The following KLHL5 variants were observed in gnomAD, a reference collection of about 807,000 sequenced individuals.
KLHL5 encodes kelch like family member 5, also known as kelch-like protein 5.
Under a neutral mutation model 77.7 loss-of-function variants are expected in KLHL5, and 48 were observed. That is an observed-to-expected ratio of 0.62 (90% CI 0.49 to 0.79). The LOEUF is 0.79. Ranked by LOEUF, KLHL5 falls within the 30% of genes least tolerant of loss-of-function variation. The probability of loss-of-function intolerance (pLI) is 0.00; values close to 1 mark genes in which losing one functional copy is unlikely to be tolerated. For synonymous variants in KLHL5, 260 were observed against 297.0 expected, an observed-to-expected ratio of 0.88 and a Z score of 1.28; for missense variants, 723 against 859.7, an observed-to-expected ratio of 0.84 and a Z score of 1.99.
Position 39,062,594 on chromosome 4 carries a change from C to T in KLHL5, c.-59C>T, listed in dbSNP as rs748556963. The T allele has an allele frequency of 2.5e-6, 4 of 1,614,076 alleles. No individual in the cohort carries two copies. The highest frequency in any genetic ancestry group is 3.4e-6 in the Non-Finnish European group (4 of 1,179,994). On this transcript the variant is annotated 5_prime_UTR_variant, in exon 1 of 11. Transcript: ENST00000504108. ...ACTTCTCTTGTCTTGGTTGGATGCA[C>T]AAATCTGTGTGCAGTGCTTTTTGCC...
At chr4:39,055,527 T>G (rs1220949535) in intron 1 of KLHL5, among the ~76,000 whole-genome samples, 1 of 152,208 alleles carries the variant, frequency 6.6e-6, no homozygotes, top group Non-Finnish European at 1.5e-5. Context: ...TATATGGCAT[T>G]AACCCTATAT....
chr4:39,115,368 T>G (rs756175278), intron 10 of KLHL5, 38 bp downstream of exon 10: 26 of 1,611,138 alleles, frequency 1.6e-5, no homozygotes, highest in Admixed American at 1.0e-4. Context: ...CTGACTCTCT[T>G]TTTATTAAAA....
intron 2 of KLHL5, among the ~76,000 whole-genome samples, chr4:39,076,612 G>A (rs1719067205): frequency 6.6e-6 from 1 of 152,034 alleles, no homozygotes; most frequent in Non-Finnish European, 1.5e-5. Context: ...GGGAAAAAAA[G>A]CCTTTCCTAC....
intron 4 of KLHL5, among the ~76,000 whole-genome samples, chr4:39,083,210 C>G (rs1719771098): frequency 6.6e-6 from 1 of 152,148 alleles, no homozygotes; most frequent in African/African-American, 2.4e-5. Context: ...TATTTACAAA[C>G]TATTGGCAAG....
At chr4:39,060,302 C>T (rs1454486276), upstream of KLHL5, among the ~76,000 whole-genome samples, 1 of 152,082 alleles carries the variant, frequency 6.6e-6, no homozygotes, top group Non-Finnish European at 1.5e-5. Flanking sequence ...AGCTTGGCGT[C>T]AGCAATGATT....
intron 2 of KLHL5, among the ~76,000 whole-genome samples, chr4:39,078,786 T>C (rs1426540964): frequency 1.3e-5 from 2 of 151,994 alleles, no homozygotes; most frequent in African/African-American, 4.8e-5. Context: ...AGACTACACA[T>C]TGGGTACAGT....
Position 39,123,505 on chromosome 4 carries a change from C to T in KLHL5, c.*2439C>T, listed in dbSNP as rs1311352816. Among the ~76,000 whole-genome samples the T allele has an allele frequency of 1.3e-5, 2 of 152,132 alleles. No homozygotes were observed. Among genetic ancestry groups the T allele is most frequent in the African/African-American group, 4.8e-5 (2 of 41,410 alleles). On this transcript the variant is annotated 3_prime_UTR_variant, in exon 11 of 11. Transcript: ENST00000504108. Reference sequence around the variant, plus strand: ...CCAGCAGCTTATTAAAATGATCACACAGCATGACCAAGTGAGATTTATCAA... The same window carrying T: ...CCAGCAGCTTATTAAAATGATCACATAGCATGACCAAGTGAGATTTATCAA...
intron 2 of KLHL5, among the ~76,000 whole-genome samples, chr4:39,079,369 G>C (rs2566141): frequency 0.23 from 35,097 of 152,072 alleles, 4,190 homozygotes; most frequent in East Asian, 0.34. Context: ...ACACGATCCA[G>C]CCTGCCGTAT....
chr4:39,077,664 C>T (rs1287083444), intron 2 of KLHL5, among the ~76,000 whole-genome samples: 2 of 138,884 alleles, frequency 1.4e-5, no homozygotes, highest in Non-Finnish European at 3.1e-5. Context: ...CTACAGAAAA[C>T]AGTGTGGATA....
the KLHL5 span, among the ~76,000 whole-genome samples, chr4:39,140,326 T>A: frequency 6.6e-6 from 1 of 152,212 alleles, no homozygotes. Flanking sequence ...ACTGTCAACT[T>A]GAATGGCTCT....
intron 10 of KLHL5, among the ~76,000 whole-genome samples, chr4:39,119,453 G>C (rs1394343993): frequency 6.6e-6 from 1 of 152,134 alleles, no homozygotes; most frequent in Non-Finnish European, 1.5e-5. Flanking sequence ...AGGTATGGTG[G>C]TGTGTGCCAG....
chr4:39,121,760 G>A lies in KLHL5; in HGVS notation c.*694G>A, dbSNP rs537313622. 1.3e-4 allele frequency: 20 copies of A among 152,590 alleles called. No homozygotes were observed. In the East Asian group the frequency reaches 3.5e-3, roughly 27 times the overall value. 9.5% of individuals were successfully genotyped at this position (152,590 alleles called of 1,614,324 possible). On this transcript the variant is annotated 3_prime_UTR_variant, in exon 11 of 11. Coordinates refer to ENST00000504108, the MANE Select transcript of KLHL5 (RefSeq NM_015990.5). The stretch of plus-strand genomic sequence containing the variant: ...CTACATGTTATGATGTTAAGTTGAA[G>A]TTGAAACATGATGTTTTGCATTAAA...
At chr4:39,130,059 C>T (rs1439045676), downstream of KLHL5, among the ~76,000 whole-genome samples, 2 of 152,142 alleles carry the variant, frequency 1.3e-5, no homozygotes, top group Admixed American at 6.5e-5. Flanking sequence ...CTAGCTCGGT[C>T]GGGGAGACCC....
Position 39,121,145 on chromosome 4 carries a change from T to G in KLHL5, c.*79T>G. On this transcript the variant is annotated 3_prime_UTR_variant, in exon 11 of 11. Coordinates refer to ENST00000504108, the MANE Select transcript of KLHL5 (RefSeq NM_015990.5). ...TAATTATTCTATCAATGGATACATTTTTAGTAAATGTGCATTGTCACAATC... is the reference window on the plus strand; with the variant it reads ...TAATTATTCTATCAATGGATACATTGTTAGTAAATGTGCATTGTCACAATC... The G allele has an allele frequency of 9.0e-7, 1 of 1,107,234 alleles. No individual in the cohort carries two copies. Among genetic ancestry groups the G allele is most frequent in the Non-Finnish European group, 1.4e-6 (1 of 729,518 alleles). The allele number at this position is 1,107,234 out of a possible 1,614,324, so 68.6% of individuals were successfully genotyped here.
chr4:39,061,993 C>A (rs746179694), upstream of KLHL5, among the ~76,000 whole-genome samples: 3 of 152,132 alleles, frequency 2.0e-5, no homozygotes, highest in African/African-American at 7.2e-5. Context: ...CTTTGTACTC[C>A]GCTTTCCTCC....
intron 2 of KLHL5, among the ~76,000 whole-genome samples, chr4:39,076,804 T>TAAAAAAAACC (rs1267466605): frequency 1.3e-5 from 2 of 151,790 alleles, no homozygotes; most frequent in Non-Finnish European, 2.9e-5. Flanking sequence ...CAAAGGTTTT[T>TAAAAAAAACC]TTTAAAAACC....
Position 39,121,077 on chromosome 4 carries a change from C to T in KLHL5, c.*11C>T, listed in dbSNP as rs3733275. 0.57 allele frequency: 904,770 copies of T among 1,588,390 alleles called. 260,715 individuals carry two copies. Among genetic ancestry groups the T allele is most frequent in the Admixed American group, 0.62 (37,405 of 59,952 alleles). ...ACTGTAAAATTATAATTTAGTGCCCCGTTTTCTACATGAAGACACCGTCTT... is the reference window on the plus strand; with the variant it reads ...ACTGTAAAATTATAATTTAGTGCCCTGTTTTCTACATGAAGACACCGTCTT... On this transcript the variant is annotated 3_prime_UTR_variant, in exon 11 of 11. Coordinates refer to ENST00000504108, the MANE Select transcript of KLHL5 (RefSeq NM_015990.5).
chr4:39,129,968 C>T (rs139021301), downstream of KLHL5, among the ~76,000 whole-genome samples: 31 of 152,236 alleles, frequency 2.0e-4, 1 homozygote, highest in African/African-American at 7.0e-4. This position sits in a 1 kb window ranked among gnomAD's most constrained non-coding sequence, Gnocchi z 4.2. Context: ...TGGAATGCCA[C>T]AGGAGTTGTT....
intron 1 of KLHL5, among the ~76,000 whole-genome samples, chr4:39,056,263 C>T (rs1367300): frequency 0.73 from 110,569 of 152,068 alleles, 40,358 homozygotes; most frequent in East Asian, 0.82. Flanking sequence ...GCTGGAACTA[C>T]ACTGCATCCG....
Sources: gnomAD v4.1 joint callset for allele counts (sites outside exome capture counted in the v4.1 genomes callset) on GRCh38, gnomAD v4.1.1 for gene constraint, Gnocchi (gnomAD v3.1) non-coding constraint, MANE v1.5 for transcripts, NCBI Gene and HGNC (gene_info 2026-07-23, HGNC 2026-07-21) for gene names.